Variants in DENND2B observed in about 807,000 individuals in gnomAD.
DENND2B encodes DENN domain-containing protein 2B.
In DENND2B, 32 loss-of-function variants were observed where a neutral mutation model predicts 116.0. The observed-to-expected ratio is 0.28, with a 90% confidence interval of 0.21 to 0.37. The LOEUF (loss-of-function observed/expected upper bound fraction) is 0.37, where lower values mean the gene tolerates loss of function less well. Ranked by LOEUF, DENND2B falls within the 10% of genes least tolerant of loss-of-function variation. DENND2B has a pLI of 1.00. For missense variants in DENND2B, 1,276 were observed against 1,477.7 expected, an observed-to-expected ratio of 0.86 and a Z score of 2.24; for synonymous variants, 588 against 583.9, an observed-to-expected ratio of 1.01 and a Z score of -0.10.
intron 19 of DENND2B, chr11:8,694,680 TG>T: frequency 2.2e-6 from 1 of 452,844 alleles, no homozygotes; most frequent in South Asian, 1.6e-5. Context: ...CAAGAATATT[TG>T]GGGGAAAAAA....
chr11:8,731,149 G>A lies in DENND2B; in HGVS notation c.141C>T (p.Leu47=). ...TGCAGGCTGAGGTTTCACTATCACT[G>A]AGCGGGTAGATGGGACTCCTTGGTG... ...LSPPRSPIYP[L]SDSETSACRY... Residue 47 remains leucine, a synonymous_variant, in exon 3 of 20, where the codon CTC becomes CTT. Transcript: ENST00000313726. The A allele has an allele frequency of 6.4e-7, 1 of 1,570,952 alleles. No individual in the cohort carries two copies. Among genetic ancestry groups the A allele is most frequent in the African/African-American group, 1.4e-5 (1 of 74,050 alleles).
At chr11:8,698,010 G>A in intron 16 of DENND2B, 1 of 408,590 alleles carries the variant, frequency 2.4e-6, no homozygotes, top group Non-Finnish European at 4.8e-6. Context: ...ATGGTGGCAT[G>A]CACCTGTACT....
intron 1 of DENND2B, among the ~76,000 whole-genome samples, chr11:8,758,391 C>T (rs1297111900): frequency 6.6e-6 from 1 of 152,138 alleles, no homozygotes; most frequent in African/African-American, 2.4e-5. Flanking sequence ...TCATCTAAGC[C>T]ATTTCGTCAG....
At chr11:8,701,728 T>C (rs1431011004) in intron 14 of DENND2B, among the ~76,000 whole-genome samples, 1 of 152,160 alleles carries the variant, frequency 6.6e-6, no homozygotes, top group Non-Finnish European at 1.5e-5. Context: ...TTTTTAAACC[T>C]TGGCTGTCTA....
chr11:8,845,741 G>A (rs1188493582), intron 3 of DENND2B, among the ~76,000 whole-genome samples: 1 of 152,190 alleles, frequency 6.6e-6, no homozygotes, highest in Non-Finnish European at 1.5e-5. Context: ...AGAAAGTCAA[G>A]GATCTAGAAA....
chr11:8,797,582 G>GTCTCT (rs2059946178), intron 1 of DENND2B, among the ~76,000 whole-genome samples: 2 of 137,672 alleles, frequency 1.5e-5, no homozygotes, highest in East Asian at 4.3e-4. Flanking sequence ...GTCTTGCTCT[G>GTCTCT]TCTCTTCTCT....
chr11:8,893,238 G>A (rs959105239), intron 1 of DENND2B, among the ~76,000 whole-genome samples: 13 of 152,116 alleles, frequency 8.5e-5, no homozygotes, highest in Non-Finnish European at 1.3e-4. Context: ...GGTATTGATG[G>A]GACGTATCTC....
chr11:8,707,915 T>G lies in DENND2B; in HGVS notation c.2353-61A>C, dbSNP rs777205359. 4.5e-6 allele frequency: 7 copies of G among 1,564,998 alleles called. No homozygotes were observed. The South Asian group carries it at 8.2e-5, about 18-fold the overall frequency. On this transcript the variant is annotated intron_variant, in intron 11 of 19. Coordinates refer to ENST00000313726, the MANE Select transcript of DENND2B (RefSeq NM_213618.2). This position sits in a 1 kb window ranked among gnomAD's most constrained non-coding sequence, Gnocchi z 4.8. ...ACACAGAGAATGCATGATTACCATT[T>G]CTGGCTCCTTTTCCTTGGGAACGGA...
At chr11:8,756,876 G>GT (rs1475327681) in intron 1 of DENND2B, among the ~76,000 whole-genome samples, 2 of 152,202 alleles carry the variant, frequency 1.3e-5, no homozygotes, top group East Asian at 3.8e-4. Flanking sequence ...TTCTTTGCTA[G>GT]TTCCCAGGCC....
chr11:8,710,463 A>G (rs2043401534), intron 11 of DENND2B, among the ~76,000 whole-genome samples: 1 of 152,038 alleles, frequency 6.6e-6, no homozygotes, highest in South Asian at 2.1e-4. Context: ...TCTGATGCAT[A>G]TACACATACT....
intron 3 of DENND2B, among the ~76,000 whole-genome samples, chr11:8,840,433 G>C (rs1035612326): frequency 4.6e-5 from 7 of 152,080 alleles, no homozygotes; most frequent in Admixed American, 3.9e-4. Flanking sequence ...AGGGCTGAAC[G>C]GCAGGACCAC....
chr11:8,785,844 G>A (rs2134291648), intron 1 of DENND2B: 1 of 152,268 alleles, frequency 6.6e-6, no homozygotes, highest in Admixed American at 6.5e-5. Flanking sequence ...CTAGTATAAG[G>A]ATTAAACAAA....
chr11:8,754,596 A>T (rs77011694), intron 1 of DENND2B, among the ~76,000 whole-genome samples: 1 of 152,262 alleles, frequency 6.6e-6, no homozygotes, highest in Admixed American at 6.5e-5. Flanking sequence ...AAATGAAAAT[A>T]TATGTCCACA....
chr11:8,768,043 C>A (rs1383413693), intron 1 of DENND2B, among the ~76,000 whole-genome samples: 1 of 151,658 alleles, frequency 6.6e-6, no homozygotes, highest in African/African-American at 2.4e-5. Flanking sequence ...CGAGCTGTTC[C>A]TTCTTTCTGA....
At chr11:8,758,616 G>T (rs1230371966) in intron 1 of DENND2B, among the ~76,000 whole-genome samples, 1 of 152,154 alleles carries the variant, frequency 6.6e-6, no homozygotes, top group Non-Finnish European at 1.5e-5. Context: ...AAGAAAGCAG[G>T]TGAATAGAAA....
At position 8,707,015 on chromosome 11, in the gene DENND2B, A is replaced by T; in HGVS notation, c.2571+70T>A. 1 of 1,558,720 alleles carries T rather than the reference A, an allele frequency of 6.4e-7. No homozygotes were observed. The highest frequency in any genetic ancestry group is 1.2e-5 in the South Asian group (1 of 80,894). ...TGCTCTGCAACCCCCAAAGACTACGACCTTGGCCAGCATGGTCCTCCTGCC... is the reference window on the plus strand; with the variant it reads ...TGCTCTGCAACCCCCAAAGACTACGTCCTTGGCCAGCATGGTCCTCCTGCC... On this transcript the variant is annotated intron_variant, in intron 13 of 19. Transcript: ENST00000313726. The surrounding 1 kb of genome is among the most constrained non-coding windows in gnomAD (Gnocchi z 4.8).
chr11:8,783,161 C>T (rs926489955), intron 1 of DENND2B, among the ~76,000 whole-genome samples: 1 of 150,202 alleles, frequency 6.7e-6, no homozygotes, highest in African/African-American at 2.5e-5. Flanking sequence ...TTCAAGTGAT[C>T]CTCCCACCTT....
At chr11:8,754,029 G>GTGCACACACA (rs1555169750) in intron 1 of DENND2B, among the ~76,000 whole-genome samples, 7 of 138,734 alleles carry the variant, frequency 5.0e-5, no homozygotes, top group African/African-American at 1.4e-4. Flanking sequence ...CCAAAAGCGC[G>GTGCACACACA]CACACACACA....
At chr11:8,716,825 T>C (rs1282790117) in intron 5 of DENND2B, among the ~76,000 whole-genome samples, 1 of 152,120 alleles carries the variant, frequency 6.6e-6, no homozygotes, top group Non-Finnish European at 1.5e-5. Context: ...TGTTTGTATT[T>C]TTAGTAGAGA....
Sources: gnomAD v4.1 joint callset for allele counts (sites outside exome capture counted in the v4.1 genomes callset) on GRCh38, gnomAD v4.1.1 for gene constraint, Gnocchi (gnomAD v3.1) non-coding constraint, MANE v1.5 for transcripts, NCBI Gene and HGNC (gene_info 2026-07-23, HGNC 2026-07-21) for gene names.